Variants in KCTD14 observed in about 807,000 individuals in gnomAD.
KCTD14 encodes BTB/POZ domain-containing protein KCTD14.
KCTD14 carries 7 observed loss-of-function variants against 5.9 expected under a neutral mutation model. That is an observed-to-expected ratio of 1.19 (90% CI 0.68 to 2.23). The LOEUF (loss-of-function observed/expected upper bound fraction) is 2.23, where lower values mean the gene tolerates loss of function less well. Ranked by LOEUF, KCTD14 falls within the 30% of genes most tolerant of loss-of-function variation. The pLI, the probability that KCTD14 is intolerant of heterozygous loss-of-function variation, is 0.00. For synonymous variants in KCTD14, 140 were observed against 133.1 expected (o/e 1.05, Z -0.36); for missense variants, 342 against 332.2 (o/e 1.03, Z -0.23).
chr11:78,044,868 C>T (rs568264794), intron 1 of KCTD14, among the ~76,000 whole-genome samples: 3 of 152,120 alleles, frequency 2.0e-5, no homozygotes, highest in Non-Finnish European at 4.4e-5. Flanking sequence ...GGCATGCTTC[C>T]GGGGTTTTGC....
intron 2 of KCTD14, among the ~76,000 whole-genome samples, chr11:78,030,075 C>T (rs914210442): frequency 5.3e-5 from 8 of 152,276 alleles, no homozygotes; most frequent in South Asian, 2.1e-4. Context: ...TGAGCCATCG[C>T]GCCTGGCCTT....
At chr11:78,044,171 C>A (rs1044308693) in intron 1 of KCTD14, among the ~76,000 whole-genome samples, 2 of 152,130 alleles carry the variant, frequency 1.3e-5, no homozygotes, top group African/African-American at 2.4e-5. Flanking sequence ...GAGTAGAGGG[C>A]GCTGCTCTCC....
At chr11:78,025,309 A>T (rs1857437305), upstream of KCTD14, among the ~76,000 whole-genome samples, 1 of 151,852 alleles carries the variant, frequency 6.6e-6, no homozygotes, top group East Asian at 1.9e-4. Flanking sequence ...CACGGGAAAA[A>T]GATGTAGGCT....
chr11:78,046,180 G>A lies in KCTD14; in HGVS notation c.-215C>T, dbSNP rs568440197. On this transcript the variant is annotated 5_prime_UTR_variant, in exon 1 of 3. Transcript: ENST00000533144. ...CAAGGGCAGGAGCAGGAAAGAAAGA[G>A]ATCGGCTCAGTGCTTTTCCCTGCTA... 2.2e-4 allele frequency: 212 copies of A among 956,574 alleles called. 1 individual carries two copies. In the African/African-American group the frequency reaches 3.5e-3, roughly 16 times the overall value. 59.3% of individuals were successfully genotyped at this position (956,574 alleles called of 1,614,324 possible).
At chr11:78,038,520 T>A (rs1857885591) in intron 2 of KCTD14, 1 of 921,310 alleles carries the variant, frequency 1.1e-6, no homozygotes, top group Non-Finnish European at 1.6e-6. Context: ...TGGAGAGGAA[T>A]CAACCGCACC....
chr11:78,024,299 C>T (rs1026218356), upstream of KCTD14, among the ~76,000 whole-genome samples: 2 of 150,864 alleles, frequency 1.3e-5, no homozygotes, highest in East Asian at 2.0e-4. Flanking sequence ...GCAGGAGAAT[C>T]GCTGGAACCC....
chr11:78,020,671 A>G (rs979847340), intron 1 of KCTD14, among the ~76,000 whole-genome samples: 2 of 152,232 alleles, frequency 1.3e-5, no homozygotes, highest in African/African-American at 4.8e-5. Flanking sequence ...GAAAGCTCTC[A>G]GGTCCTCCTA....
chr11:78,035,202 A>G (rs1046360496), intron 2 of KCTD14, among the ~76,000 whole-genome samples: 1 of 152,104 alleles, frequency 6.6e-6, no homozygotes, highest in Non-Finnish European at 1.5e-5. Context: ...GTCTCTCCAG[A>G]TCCACTCCAG....
intron 2 of KCTD14, among the ~76,000 whole-genome samples, chr11:78,034,777 T>A (rs1857740833): frequency 6.6e-6 from 1 of 152,096 alleles, no homozygotes; most frequent in Admixed American, 6.6e-5. Context: ...CTCAGTGATC[T>A]CAATCCCTCT....
At chr11:78,027,488 G>A (rs979329425), upstream of KCTD14, among the ~76,000 whole-genome samples, 21 of 151,794 alleles carry the variant, frequency 1.4e-4, no homozygotes, top group Admixed American at 2.6e-4. Flanking sequence ...TCAGCCTCCC[G>A]AGTAGCTGGG....
At chr11:78,033,865 C>A (rs1857705631) in intron 2 of KCTD14, among the ~76,000 whole-genome samples, 3 of 87,044 alleles carry the variant, frequency 3.4e-5, no homozygotes, top group African/African-American at 8.7e-5. Flanking sequence ...AAAAAGATAA[C>A]AAAGAAAATA....
intron 1 of KCTD14, among the ~76,000 whole-genome samples, chr11:78,020,280 C>T (rs1231713305): frequency 2.0e-5 from 3 of 152,296 alleles, no homozygotes; most frequent in South Asian, 2.1e-4. Context: ...AGGAATGTCC[C>T]TCAGTCTGAT....
upstream of KCTD14, among the ~76,000 whole-genome samples, chr11:78,023,897 C>T (rs1857372844): frequency 6.6e-6 from 1 of 152,110 alleles, no homozygotes; most frequent in Admixed American, 6.6e-5. Flanking sequence ...ACCCATTTTA[C>T]AGATCAGAAA....
intron 1 of KCTD14, among the ~76,000 whole-genome samples, chr11:78,043,959 C>T (rs1858062122): frequency 6.6e-6 from 1 of 152,116 alleles, no homozygotes; most frequent in Non-Finnish European, 1.5e-5. Flanking sequence ...AGAAACAAGG[C>T]CAGAGTTGCT....
At position 78,016,967 on chromosome 11, in the gene KCTD14, G is replaced by A; in HGVS notation, c.394C>T (p.Gln132Ter). The change falls in exon 2 of 2, where the codon CAG becomes TAG. Residue 132 changes from glutamine (Q) to a stop codon, truncating the protein, a stop_gained. Transcript: ENST00000353172. LOFTEE classifies it low-confidence loss of function (END_TRUNC). ...LEDMPQIFGE[Q>*]VSRKQFLLQV... ...AGCAAAAACTGCTTCCGAGACACCT[G>A]CTCACCAAAGATCTGTGGCATGTCC... 1 of 1,614,194 alleles carries A rather than the reference G, an allele frequency of 6.2e-7. No individual in the cohort carries two copies. Among genetic ancestry groups the A allele is most frequent in the Non-Finnish European group, 8.5e-7 (1 of 1,180,044 alleles).
upstream of KCTD14, among the ~76,000 whole-genome samples, chr11:78,027,613 G>A (rs763760108): frequency 7.9e-5 from 12 of 151,890 alleles, no homozygotes; most frequent in Admixed American, 3.3e-4. Context: ...TGCCTGGCTC[G>A]GCCTCCCAAA....
chr11:78,030,631 C>T (rs141278213), intron 2 of KCTD14, among the ~76,000 whole-genome samples: 34 of 152,362 alleles, frequency 2.2e-4, no homozygotes, highest in African/African-American at 7.5e-4. Context: ...CACTCACTCC[C>T]CTCTGTTCTT....
upstream of KCTD14, among the ~76,000 whole-genome samples, chr11:78,026,112 C>A (rs1233978333): frequency 6.6e-6 from 1 of 152,052 alleles, no homozygotes; most frequent in Non-Finnish European, 1.5e-5. Context: ...GGTGGTCAGG[C>A]TACAACTTGG....
chr11:78,020,373 A>T (rs939339507), intron 1 of KCTD14, among the ~76,000 whole-genome samples: 2 of 152,324 alleles, frequency 1.3e-5, no homozygotes, highest in East Asian at 3.9e-4. Context: ...AGTCAACCGA[A>T]CTGCTGGAGA....
Sources: allele counts gnomAD v4.1 joint callset (sites outside exome capture counted in the v4.1 genomes callset), GRCh38; gene constraint gnomAD v4.1.1; transcripts MANE v1.5; gene names NCBI Gene and HGNC (gene_info 2026-07-23, HGNC 2026-07-21).